The following GTF2IRD2B variants were observed in gnomAD, a reference collection of about 807,000 sequenced individuals.
GTF2IRD2B encodes the protein GTF2I repeat domain containing 2B.
A neutral mutation model predicts 55.6 loss-of-function variants in GTF2IRD2B; 10 were observed. The observed-to-expected ratio is 0.18, with a 90% CI of 0.11 to 0.31. GTF2IRD2B has a LOEUF of 0.31. Among genes scored for constraint, GTF2IRD2B ranks in the 10% least tolerant of loss-of-function variants. The pLI, the probability that GTF2IRD2B is intolerant of heterozygous loss-of-function variation, is 1.00. For synonymous variants in GTF2IRD2B, 107 were observed against 320.5 expected, an observed-to-expected ratio of 0.33 and a Z score of 7.12; for missense variants, 206 against 802.7, an observed-to-expected ratio of 0.26 and a Z score of 8.98.
intron 1 of GTF2IRD2B, among the ~76,000 whole-genome samples, chr7:75,107,087 A>G (rs1471067587): frequency 6.6e-6 from 1 of 151,744 alleles, no homozygotes; most frequent in Non-Finnish European, 1.5e-5. Context: ...TGTAAGTGAA[A>G]TAGTGTGGTA....
At chr7:75,104,856 T>C (rs1175438974) in intron 1 of GTF2IRD2B, among the ~76,000 whole-genome samples, 4 of 152,296 alleles carry the variant, frequency 2.6e-5, no homozygotes, top group Non-Finnish European at 4.4e-5. Flanking sequence ...TTGAGGCTGC[T>C]TTTTCTGACT....
intron 6 of GTF2IRD2B, 147 bp downstream of exon 6, chr7:75,123,663 C>T: frequency 1.5e-6 from 1 of 654,582 alleles, no homozygotes; most frequent in Non-Finnish European, 2.8e-6. Flanking sequence ...ATCACAAGGT[C>T]AGGAGATCGC....
At chr7:75,130,379 G>A (rs1403440638) in intron 8 of GTF2IRD2B, among the ~76,000 whole-genome samples, 2 of 56,104 alleles carry the variant, frequency 3.6e-5, no homozygotes, top group Non-Finnish European at 7.1e-5. Flanking sequence ...GGGTTTCACC[G>A]TGTTGCCCAG....
chr7:75,132,548 CTTTTTTTTT>C lies in GTF2IRD2B; in HGVS notation c.671-570_671-562del, dbSNP rs1159887977. Among the ~76,000 whole-genome samples the C allele has an allele frequency of 3.0e-3, 253 of 85,328 alleles. 2 individuals are homozygous for C. The highest frequency in any genetic ancestry group is 0.012 in the African/African-American group (247 of 20,026). 56.0% of individuals were successfully genotyped at this position (85,328 alleles called of 152,430 possible). On this transcript the variant is annotated intron_variant, in intron 8 of 15. Coordinates refer to ENST00000472837, the MANE Select transcript of GTF2IRD2B (RefSeq NM_001003795.3). ...TTCCTTCATCCTCCTCTCCTTCCTT[CTTTTTTTTT>C]TTTTTTTTTTTTTTTTGAGATGGAG...
chr7:75,127,484 A>T (rs1808559873), intron 8 of GTF2IRD2B, among the ~76,000 whole-genome samples: 1 of 149,406 alleles, frequency 6.7e-6, no homozygotes, highest in East Asian at 1.9e-4. Context: ...AAAAAAAAAA[A>T]AAAAAAAAGA....
Position 75,148,922 on chromosome 7 carries a change from A to T in GTF2IRD2B, c.2475A>T (p.Lys825Asn), listed in dbSNP as rs1809241507. The T allele has an allele frequency of 6.2e-7, 1 of 1,603,346 alleles. No homozygotes were observed. The highest frequency in any genetic ancestry group is 1.3e-5 in the African/African-American group (1 of 74,734). ...NESDGLNYIP[K>N]IAELKTEFQK... is the part of the protein sequence containing the mutation. The stretch of plus-strand genomic sequence containing the variant: ...GCGATGGCCTGAACTACATTCCCAA[A>T]ATCGCGGAACTCAAGACCGAATTCC... The change falls in exon 16 of 16, where the codon AAA becomes AAT. Residue 825 changes from lysine to asparagine, a missense_variant. Coordinates refer to ENST00000472837, the MANE Select transcript of GTF2IRD2B (RefSeq NM_001003795.3).
At chr7:75,147,088 A>C (rs115014081) in intron 15 of GTF2IRD2B, 4,685 of 163,276 alleles carry the variant, frequency 0.029, 273 homozygotes, top group African/African-American at 0.1. Flanking sequence ...CATTATCACC[A>C]CAAACCAGGC....
rs62476612 is a variant in GTF2IRD2B, at chr7:75,114,784, C to T, written c.238+2249C>T. On this transcript the variant is annotated intron_variant, in intron 3 of 15. Transcript: ENST00000472837. Reference sequence around the variant, plus strand: ...ATATGATTTCTTTCTTTTTTATGGCCGCAGGTTTTTCGTTTTTGTTTTTGT... The same window carrying T: ...ATATGATTTCTTTCTTTTTTATGGCTGCAGGTTTTTCGTTTTTGTTTTTGT... Among the ~76,000 whole-genome samples, 5 of 149,670 alleles carry T rather than the reference C, an allele frequency of 3.3e-5. No individual in the cohort carries two copies. The South Asian group carries it at 6.3e-4, about 19-fold the overall frequency.
At chr7:75,105,873 G>A (rs1316203238) in intron 1 of GTF2IRD2B, among the ~76,000 whole-genome samples, 1 of 152,310 alleles carries the variant, frequency 6.6e-6, no homozygotes, top group African/African-American at 2.4e-5. Context: ...GTTTCACGTT[G>A]TCTGCGATCT....
intron 1 of GTF2IRD2B, among the ~76,000 whole-genome samples, chr7:75,105,270 G>A (rs1282963019): frequency 1.6e-3 from 238 of 152,322 alleles, no homozygotes; most frequent in South Asian, 2.7e-3. Flanking sequence ...TTAGGAGGCC[G>A]AGGCGGGCGG....
intron 1 of GTF2IRD2B, among the ~76,000 whole-genome samples, chr7:75,105,094 G>A (rs1211576858): frequency 5.5e-4 from 83 of 152,260 alleles, no homozygotes; most frequent in Non-Finnish European, 1.0e-3. Context: ...CCACCCGGGG[G>A]CTGAAATGGG....
In GTF2IRD2B at chr7:75,149,125, A is replaced by G; in HGVS notation, c.2678A>G (p.Tyr893Cys). ...DKVGIPEFYK[Y>C]LWGSYPKYKH... ...GTGGGAATACCAGAATTCTACAAGT[A>G]CCTCTGGGGTAGCTACCCGAAATAC... The change falls in exon 16 of 16, where the codon TAC becomes TGC. Residue 893 changes from tyrosine to cysteine, a missense_variant. Physicochemically the swap from Tyr to Cys is radical, Grantham distance 194. Coordinates refer to ENST00000472837, the MANE Select transcript of GTF2IRD2B (RefSeq NM_001003795.3). The G allele has an allele frequency of 2.7e-6, 2 of 736,626 alleles. No individual in the cohort carries two copies. The highest frequency in any genetic ancestry group is 1.4e-5 in the South Asian group (1 of 70,778). 45.6% of individuals were successfully genotyped at this position (736,626 alleles called of 1,614,324 possible). A position where few individuals can be genotyped will look rare whatever the true frequency, so the allele number is the denominator to read the frequency against.
intron 1 of GTF2IRD2B, among the ~76,000 whole-genome samples, chr7:75,102,644 G>A (rs1309504061): frequency 2.1e-4 from 32 of 151,640 alleles, no homozygotes; most frequent in African/African-American, 7.5e-4. Context: ...GGGTGACATT[G>A]TGAGACTCTG....
At chr7:75,103,969 TTGCAGTGCGCAGAGATCATGCCACTGGG>T (rs1455365459) in intron 1 of GTF2IRD2B, among the ~76,000 whole-genome samples, 4 of 149,762 alleles carry the variant, frequency 2.7e-5, no homozygotes, top group South Asian at 2.1e-4. Context: ...GAGGCAGAGC[TTGCAGTGCGCAGAGATCATGCCACTGGG>T]TGCAGTGCGC....
At chr7:75,096,643 A>C (rs1162951706) in intron 1 of GTF2IRD2B, among the ~76,000 whole-genome samples, 1 of 136,064 alleles carries the variant, frequency 7.3e-6, no homozygotes, top group African/African-American at 3.0e-5. Flanking sequence ...CCAGGCTGAT[A>C]TGGAACTCCT....
intron 1 of GTF2IRD2B, among the ~76,000 whole-genome samples, chr7:75,103,142 G>A (rs1370173335): frequency 6.6e-6 from 1 of 152,074 alleles, no homozygotes; most frequent in East Asian, 1.9e-4. Flanking sequence ...AGCTGGGCCC[G>A]GTGGCGGGTG....
At chr7:75,127,090 T>G (rs1808543245) in intron 8 of GTF2IRD2B, among the ~76,000 whole-genome samples, 1 of 149,908 alleles carries the variant, frequency 6.7e-6, no homozygotes, top group Admixed American at 6.7e-5. Flanking sequence ...TTTTGTTTTA[T>G]CAAATAAATA....
Position 75,104,974 on chromosome 7 carries a change from G to C in GTF2IRD2B, c.-5-3986G>C, listed in dbSNP as rs1393064533. ...CTGGTGTGGGAGGCAGAAGCAGGAAGATCGCTTGAGCCCAGGAGTTGGAGA... is the reference window on the plus strand; with the variant it reads ...CTGGTGTGGGAGGCAGAAGCAGGAACATCGCTTGAGCCCAGGAGTTGGAGA... On this transcript the variant is annotated intron_variant, in intron 1 of 15. Coordinates refer to ENST00000472837, the MANE Select transcript of GTF2IRD2B (RefSeq NM_001003795.3). Among the ~76,000 whole-genome samples the C allele has an allele frequency of 1.8e-4, 28 of 152,412 alleles. No individual in the cohort carries two copies. The South Asian group carries it at 5.6e-3, about 30-fold the overall frequency.
rs1473815556 is a variant in GTF2IRD2B, at chr7:75,149,741, T to G, written c.*444T>G. The G allele has an allele frequency of 2.0e-5, 4 of 202,144 alleles. No homozygotes were observed. Among genetic ancestry groups the G allele is most frequent in the African/African-American group, 1.0e-4 (4 of 39,838 alleles). The allele number at this position is 202,144 out of a possible 1,614,324, so 12.5% of individuals were successfully genotyped here. On this transcript the variant is annotated 3_prime_UTR_variant, in exon 16 of 16. Coordinates refer to ENST00000472837, the MANE Select transcript of GTF2IRD2B (RefSeq NM_001003795.3). Reference sequence around the variant, plus strand: ...TTTTTTCCACTTTGAATCAGAAATATAATCTGCAGTATCATACTTGTTTAT... The same window carrying G: ...TTTTTTCCACTTTGAATCAGAAATAGAATCTGCAGTATCATACTTGTTTAT...
Sources: gnomAD v4.1 joint callset for allele counts (sites outside exome capture counted in the v4.1 genomes callset) on GRCh38, gnomAD v4.1.1 for gene constraint, MANE v1.5 for transcripts, NCBI Gene and HGNC (gene_info 2026-07-23, HGNC 2026-07-21) for gene names.